The following PRKCE variants were observed in gnomAD, a reference collection of about 807,000 sequenced individuals.
The protein encoded by PRKCE is protein kinase C epsilon.
A neutral mutation model predicts 85.4 loss-of-function variants in PRKCE; 16 were observed. The observed-to-expected ratio is 0.19, with a 90% CI of 0.13 to 0.28. The LOEUF (loss-of-function observed/expected upper bound fraction) is 0.28. Ranked by LOEUF, PRKCE falls within the 10% of genes least tolerant of loss-of-function variation. The pLI is 1.00. For missense variants in PRKCE, 573 were observed against 975.2 expected, an observed-to-expected ratio of 0.59 and a Z score of 5.49; for synonymous variants, 388 against 371.5, an observed-to-expected ratio of 1.04 and a Z score of -0.51.
intron 1 of PRKCE, among the ~76,000 whole-genome samples, chr2:45,791,988 C>T (rs1383137282): frequency 6.6e-6 from 1 of 152,220 alleles, no homozygotes; most frequent in African/African-American, 2.4e-5. Context: ...AGTTGACACA[C>T]AGTGTTTTAG....
At chr2:45,667,004 C>T (rs563852427) in intron 1 of PRKCE, among the ~76,000 whole-genome samples, 1 of 152,236 alleles carries the variant, frequency 6.6e-6, no homozygotes, top group African/African-American at 2.4e-5. Context: ...CCATGCCTAG[C>T]TAATTTTTAA....
At chr2:46,148,138 G>A (rs1206860315) in intron 12 of PRKCE, among the ~76,000 whole-genome samples, 3 of 152,182 alleles carry the variant, frequency 2.0e-5, no homozygotes, top group African/African-American at 7.2e-5. Context: ...CACCCCCTCT[G>A]CTTTCCCACT....
chr2:45,987,901 A>C (rs1703467276), intron 6 of PRKCE, among the ~76,000 whole-genome samples: 1 of 152,198 alleles, frequency 6.6e-6, no homozygotes, highest in African/African-American at 2.4e-5. Flanking sequence ...AGAGGCCAGC[A>C]TGGGCCCAAG....
At chr2:45,941,638 T>A (rs1355814556) in intron 2 of PRKCE, among the ~76,000 whole-genome samples, 1 of 152,124 alleles carries the variant, frequency 6.6e-6, no homozygotes, top group Non-Finnish European at 1.5e-5. Context: ...CACAATTCCA[T>A]CTGTTGAGGG....
chr2:45,909,597 G>A (rs1039796120), intron 2 of PRKCE, among the ~76,000 whole-genome samples: 4 of 152,180 alleles, frequency 2.6e-5, no homozygotes, highest in African/African-American at 7.2e-5. Flanking sequence ...AAAAATCAGC[G>A]AAAATAAAAC....
At chr2:45,783,999 G>C (rs1686397295) in intron 1 of PRKCE, among the ~76,000 whole-genome samples, 1 of 152,242 alleles carries the variant, frequency 6.6e-6, no homozygotes, top group Non-Finnish European at 1.5e-5. Context: ...TTTCATGTCA[G>C]TTCAGTCACA....
chr2:45,920,801 A>G (rs978286229), intron 2 of PRKCE, among the ~76,000 whole-genome samples: 77 of 152,318 alleles, frequency 5.1e-4, no homozygotes, highest in African/African-American at 1.8e-3. Context: ...AAATGTTCTA[A>G]AACTGATGGT....
chr2:46,173,313 G>C (rs1679104787), intron 14 of PRKCE, among the ~76,000 whole-genome samples: 1 of 152,184 alleles, frequency 6.6e-6, no homozygotes, highest in Non-Finnish European at 1.5e-5. Context: ...AGAGCGGAGT[G>C]GTTATGACAG....
intron 1 of PRKCE, among the ~76,000 whole-genome samples, chr2:45,698,514 A>G (rs1678342535): frequency 6.6e-6 from 1 of 152,042 alleles, no homozygotes. Context: ...CAGCAAGTTA[A>G]TGGACTTCCC....
In PRKCE at chr2:45,872,263, T is replaced by C. The variant is rs117395542; in HGVS notation, c.412+29200T>C. ...CATGCAGGAATGAAAGAACATCACG[T>C]TGGGCAGAGAAAACAGCAAGTGCAA... On this transcript the variant is annotated intron_variant, in intron 2 of 14. Transcript: ENST00000306156. 2.2e-4 allele frequency among the ~76,000 whole-genome samples: 34 copies of C among 152,166 alleles called. No homozygotes were observed. In the East Asian group the frequency reaches 5.6e-3, roughly 25 times the overall value.
chr2:45,964,369 C>A (rs1452809744), intron 2 of PRKCE, among the ~76,000 whole-genome samples: 1 of 152,214 alleles, frequency 6.6e-6, no homozygotes, highest in Admixed American at 6.5e-5. Flanking sequence ...GCAGCAATTG[C>A]TCAGTTTCCT....
chr2:45,720,252 A>T (rs1680499906), intron 1 of PRKCE, among the ~76,000 whole-genome samples: 1 of 152,104 alleles, frequency 6.6e-6, no homozygotes, highest in Non-Finnish European at 1.5e-5. Context: ...GAGTTACCAT[A>T]AAGTGGAGGA....
At position 45,652,160 on chromosome 2, in the gene PRKCE, C is replaced by T; in HGVS notation, c.60C>T (p.Pro20=). The change falls in exon 1 of 15, where the codon CCC becomes CCT. Residue 20 remains proline, a synonymous_variant. Transcript: ENST00000306156. This position sits in a 1 kb window ranked among gnomAD's most constrained non-coding sequence, Gnocchi z 7.7. The part of the protein sequence containing the change: ...IKICEAVSLK[P]TAWSLRHAVG... Reference sequence around the variant, plus strand: ...TCTGCGAGGCCGTGAGCTTGAAGCCCACAGCCTGGTCGCTGCGCCATGCGG... The same window carrying T: ...TCTGCGAGGCCGTGAGCTTGAAGCCTACAGCCTGGTCGCTGCGCCATGCGG... 6.2e-7 allele frequency: 1 copy of T among 1,611,208 alleles called. No individual in the cohort carries two copies.
At chr2:45,934,438 C>T (rs763665311) in intron 2 of PRKCE, among the ~76,000 whole-genome samples, 1 of 152,016 alleles carries the variant, frequency 6.6e-6, no homozygotes, top group Non-Finnish European at 1.5e-5. Flanking sequence ...CACTTGAGGT[C>T]AGGAGTTTGA....
chr2:46,133,790 T>G (rs183418337), intron 11 of PRKCE, among the ~76,000 whole-genome samples: 2 of 152,324 alleles, frequency 1.3e-5, no homozygotes, highest in African/African-American at 4.8e-5. Context: ...GGAGTTCATG[T>G]GAGGAAACCA....
chr2:45,732,229 T>A (rs969536049), intron 1 of PRKCE, among the ~76,000 whole-genome samples: 5 of 152,118 alleles, frequency 3.3e-5, no homozygotes, highest in African/African-American at 7.2e-5. Flanking sequence ...AAGGGCTCCA[T>A]GTCGGGAGGC....
intron 1 of PRKCE, among the ~76,000 whole-genome samples, chr2:45,699,908 A>T (rs1176954602): frequency 6.6e-6 from 1 of 152,042 alleles, no homozygotes; most frequent in Non-Finnish European, 1.5e-5. Context: ...TTGCACACTG[A>T]TGAGATCAAG....
chr2:45,920,950 C>T (rs552395489), intron 2 of PRKCE, among the ~76,000 whole-genome samples: 22 of 152,308 alleles, frequency 1.4e-4, no homozygotes, highest in African/African-American at 5.3e-4. Flanking sequence ...ATACACATGC[C>T]TGTTGCTCCC....
intron 1 of PRKCE, among the ~76,000 whole-genome samples, chr2:45,789,255 G>C (rs1041570006): frequency 1.3e-5 from 2 of 151,990 alleles, no homozygotes; most frequent in Non-Finnish European, 2.9e-5. Context: ...AGGTGCCTCT[G>C]GATTTTGTAT....
Sources: allele counts gnomAD v4.1 joint callset (sites outside exome capture counted in the v4.1 genomes callset), GRCh38; gene constraint gnomAD v4.1.1; non-coding constraint Gnocchi (gnomAD v3.1); transcripts MANE v1.5; gene names NCBI Gene and HGNC (gene_info 2026-07-23, HGNC 2026-07-21).